ATXN1: variants seen among roughly 807,000 people sequenced by gnomAD.
ATXN1 encodes the protein ataxin-1.
A neutral mutation model predicts 56.4 loss-of-function variants in ATXN1; 8 were observed. That is an observed-to-expected ratio of 0.14 (90% confidence interval 0.08 to 0.26). The LOEUF is 0.26. ATXN1 is among the 10% of genes least tolerant of loss of function. The pLI, the probability that ATXN1 is intolerant of heterozygous loss-of-function variation, is 1.00. For missense variants in ATXN1, 987 were observed against 1,106.5 expected (o/e 0.89, Z 1.53); for synonymous variants, 514 against 494.6 (o/e 1.04, Z -0.52).
chr6:16,485,068 A>T (rs1410411304), intron 6 of ATXN1: 2 of 152,036 alleles, frequency 1.3e-5, no homozygotes, highest in African/African-American at 4.8e-5. Flanking sequence ...ACACAAAAAC[A>T]ACAACAAAAA....
chr6:16,579,145 G>A (rs1449803180), intron 4 of ATXN1, among the ~76,000 whole-genome samples: 1 of 152,168 alleles, frequency 6.6e-6, no homozygotes, highest in African/African-American at 2.4e-5. Flanking sequence ...AAGGGGTTAA[G>A]CATCTGGAAG....
chr6:16,655,245 G>A (rs957640870), intron 3 of ATXN1, among the ~76,000 whole-genome samples: 1 of 152,180 alleles, frequency 6.6e-6, no homozygotes, highest in Admixed American at 6.5e-5. Flanking sequence ...TTCAGGCCAG[G>A]CACAGTGGTG....
At position 16,327,950 on chromosome 6, in the gene ATXN1, C is replaced by T. The variant is rs770179993; in HGVS notation, c.361G>A (p.Ala121Thr). The T allele has an allele frequency of 9.9e-6, 16 of 1,612,576 alleles. No homozygotes were observed. Among genetic ancestry groups the T allele is most frequent in the South Asian group, 6.6e-5 (6 of 91,076 alleles). The stretch of plus-strand genomic sequence containing the variant: ...AACTGGAAGGTGTGCGGCAGGTGAG[C>T]GTACTGCACGGGGGACACCGGGGTC... ...PGTPVSPVQY[A>T]HLPHTFQFIG... The change falls in exon 7 of 8, where the codon GCT (alanine) becomes ACT (threonine). Residue 121 changes from alanine (A) to threonine (T), a missense_variant. This residue lies in a region of ATXN1 where 723 missense variants were observed against 791.7 expected (regional missense o/e 0.91). Transcript: ENST00000436367.
At chr6:16,367,383 CACAT>C (rs1339147419) in intron 6 of ATXN1, among the ~76,000 whole-genome samples, 9 of 151,818 alleles carry the variant, frequency 5.9e-5, no homozygotes, top group African/African-American at 1.7e-4. Flanking sequence ...CACACACACA[CACAT>C]ACAGACACAC....
chr6:16,672,207 A>C (rs1183143137), intron 2 of ATXN1, among the ~76,000 whole-genome samples: 3 of 151,892 alleles, frequency 2.0e-5, no homozygotes, highest in African/African-American at 7.3e-5. Flanking sequence ...CCTCTTGTTT[A>C]CTCCCTTACT....
At position 16,422,186 on chromosome 6, in the gene ATXN1, C is replaced by T. The variant is rs939382218; in HGVS notation, c.-161+63786G>A. Among the ~76,000 whole-genome samples, 7 of 152,138 alleles carry T rather than the reference C, an allele frequency of 4.6e-5. No homozygotes were observed. The South Asian group carries it at 8.3e-4, about 18-fold the overall frequency. Reference sequence around the variant, plus strand: ...GCCACATATTTTGAGGTTTCAGAGACAGTGAGGTAGATTCTGCCTTGAGAA... The same window carrying T: ...GCCACATATTTTGAGGTTTCAGAGATAGTGAGGTAGATTCTGCCTTGAGAA... On this transcript the variant is annotated intron_variant, in intron 6 of 7. Transcript: ENST00000436367.
chr6:16,689,479 A>G (rs1758995013), intron 2 of ATXN1, among the ~76,000 whole-genome samples: 1 of 139,674 alleles, frequency 7.2e-6, no homozygotes, highest in Admixed American at 7.1e-5. Context: ...CACCCAGTCA[A>G]TTTTTTCTTT....
intron 5 of ATXN1, among the ~76,000 whole-genome samples, chr6:16,519,834 A>G (rs16878358): frequency 0.18 from 27,193 of 152,238 alleles, 3,323 homozygotes; most frequent in African/African-American, 0.33. Context: ...TCAAGTTCCA[A>G]GATGGACCGA....
At chr6:16,322,892 C>G (rs569616197) in intron 7 of ATXN1, among the ~76,000 whole-genome samples, 1 of 152,200 alleles carries the variant, frequency 6.6e-6, no homozygotes, top group Admixed American at 6.5e-5. Context: ...TTGCGTCAGG[C>G]CTTGCACTTT....
At chr6:16,660,069 A>G (rs1358627732) in intron 2 of ATXN1, among the ~76,000 whole-genome samples, 1 of 152,248 alleles carries the variant, frequency 6.6e-6, no homozygotes, top group Non-Finnish European at 1.5e-5. Flanking sequence ...ATACTACAAC[A>G]GCTATGAGGC....
chr6:16,604,588 C>CTTT (rs376581013), intron 3 of ATXN1, among the ~76,000 whole-genome samples: 1 of 132,694 alleles, frequency 7.5e-6, no homozygotes, highest in Non-Finnish European at 1.6e-5. Context: ...TGTTTCTCTT[C>CTTT]TTTTTTTTTT....
In ATXN1 at chr6:16,697,844, T is replaced by C. The variant is rs1346628632; in HGVS notation, c.-614-39943A>G. ...GTTCAAATTAGGAATCAAGTCCCAATAACCAATGGGACATGGATACTGTTT... is the reference window on the plus strand; with the variant it reads ...GTTCAAATTAGGAATCAAGTCCCAACAACCAATGGGACATGGATACTGTTT... On this transcript the variant is annotated intron_variant, in intron 2 of 7. Transcript: ENST00000436367. 2.6e-5 allele frequency among the ~76,000 whole-genome samples: 4 copies of C among 152,156 alleles called. No homozygotes were observed. The East Asian group carries it at 7.7e-4, about 29-fold the overall frequency.
intron 5 of ATXN1, among the ~76,000 whole-genome samples, chr6:16,495,068 G>A (rs2113667295): frequency 6.6e-6 from 1 of 152,294 alleles, no homozygotes; most frequent in South Asian, 2.1e-4. Context: ...TGAAAATGGG[G>A]AAGGCTGAAA....
chr6:16,347,936 C>T (rs183907495), intron 6 of ATXN1, among the ~76,000 whole-genome samples: 18 of 152,298 alleles, frequency 1.2e-4, no homozygotes, highest in Non-Finnish European at 2.4e-4. Context: ...ATCTATACTG[C>T]CTGTATGAGC....
intron 2 of ATXN1, among the ~76,000 whole-genome samples, chr6:16,752,055 C>T (rs1354028715): frequency 6.6e-6 from 1 of 152,194 alleles, no homozygotes; most frequent in Non-Finnish European, 1.5e-5. Flanking sequence ...GAGCTCCATG[C>T]TCTTATCTAA....
At chr6:16,747,179 C>G (rs1188445803) in intron 2 of ATXN1, among the ~76,000 whole-genome samples, 1 of 152,092 alleles carries the variant, frequency 6.6e-6, no homozygotes, top group Non-Finnish European at 1.5e-5. Context: ...TAAAAAGAAG[C>G]CTGGTTTTGA....
At chr6:16,752,941 C>A in intron 2 of ATXN1, 1 of 260,806 alleles carries the variant, frequency 3.8e-6, no homozygotes, top group South Asian at 3.8e-5. Context: ...TTAAGGAAAA[C>A]TGACAATTAA....
chr6:16,633,817 C>T (rs527927183), intron 3 of ATXN1, among the ~76,000 whole-genome samples: 3 of 152,290 alleles, frequency 2.0e-5, no homozygotes, highest in East Asian at 1.9e-4. Context: ...TCATGTCATT[C>T]GGTAAAGACA....
intron 5 of ATXN1, among the ~76,000 whole-genome samples, chr6:16,520,486 T>C (rs1251428229): frequency 6.6e-6 from 1 of 152,214 alleles, no homozygotes; most frequent in East Asian, 1.9e-4. Context: ...CCTTCTTTCA[T>C]TCCTTCACCA....
Sources: allele counts gnomAD v4.1 joint callset (sites outside exome capture counted in the v4.1 genomes callset), GRCh38; gene constraint gnomAD v4.1.1; regional missense constraint gnomAD v4.1.1; transcripts MANE v1.5; gene names NCBI Gene and HGNC (gene_info 2026-07-23, HGNC 2026-07-21).